The following RBFOX1 variants were observed in gnomAD, a reference collection of about 807,000 sequenced individuals.
RBFOX1 encodes the protein RNA binding fox-1 homolog 1, also known as RNA binding protein fox-1 homolog 1.
Under a neutral mutation model 57.7 loss-of-function variants are expected in RBFOX1, and 8 were observed. That is an observed-to-expected ratio of 0.14 (90% CI 0.08 to 0.25). The LOEUF (loss-of-function observed/expected upper bound fraction) is 0.25. RBFOX1 is among the 10% of genes least tolerant of loss of function. The probability of loss-of-function intolerance (pLI) is 1.00; values close to 1 mark genes in which losing one functional copy is unlikely to be tolerated. For missense variants in RBFOX1, 611 were observed against 548.5 expected (o/e 1.11, Z -1.14); for synonymous variants, 326 against 222.4 (o/e 1.47, Z -4.15).
chr16:6,858,033 C>T (rs1420825119), intron 3 of RBFOX1, among the ~76,000 whole-genome samples: 1 of 152,176 alleles, frequency 6.6e-6, no homozygotes, highest in Non-Finnish European at 1.5e-5. Context: ...TTCTCTTCTA[C>T]TCACAAATGT....
At chr16:7,054,488 G>A (rs1598257202) in intron 4 of RBFOX1, among the ~76,000 whole-genome samples, 1 of 141,022 alleles carries the variant, frequency 7.1e-6, no homozygotes, top group Non-Finnish European at 1.5e-5. Context: ...TGATCCGCCA[G>A]CCTCGGCCCC....
At chr16:6,427,203 A>G (rs1261687666) in intron 2 of RBFOX1, among the ~76,000 whole-genome samples, 2 of 152,176 alleles carry the variant, frequency 1.3e-5, no homozygotes, top group Non-Finnish European at 2.9e-5. Flanking sequence ...CTGCATTGAT[A>G]ATGTGCCCTC....
chr16:6,325,080 G>A (rs948844989), intron 2 of RBFOX1, among the ~76,000 whole-genome samples: 1 of 152,196 alleles, frequency 6.6e-6, no homozygotes, highest in Admixed American at 6.5e-5. Flanking sequence ...AGGTACCCAG[G>A]CATGGTGGCT....
intron 1 of RBFOX1, among the ~76,000 whole-genome samples, chr16:6,230,259 C>T (rs937264270): frequency 1.3e-5 from 2 of 151,806 alleles, no homozygotes; most frequent in Non-Finnish European, 2.9e-5. Flanking sequence ...TCACCAATCT[C>T]GATTGGACAC....
chr16:6,819,734 A>AAAAC (rs2090926566), intron 3 of RBFOX1, among the ~76,000 whole-genome samples: 1 of 82,010 alleles, frequency 1.2e-5, no homozygotes, highest in African/African-American at 4.5e-5. Context: ...AAAAAAAATA[A>AAAAC]CAACACCAAA....
chr16:6,461,147 A>G (rs564731651), intron 2 of RBFOX1, among the ~76,000 whole-genome samples: 27 of 152,208 alleles, frequency 1.8e-4, no homozygotes, highest in Admixed American at 2.6e-4. Flanking sequence ...GAATGAATGC[A>G]TGCTGGGCTT....
intron 3 of RBFOX1, among the ~76,000 whole-genome samples, chr16:6,733,099 G>A (rs1483756888): frequency 6.6e-6 from 1 of 152,124 alleles, no homozygotes; most frequent in Non-Finnish European, 1.5e-5. Flanking sequence ...GCTGAAAACA[G>A]AAATATATGA....
intron 4 of RBFOX1, among the ~76,000 whole-genome samples, chr16:7,134,353 C>T (rs914575829): frequency 6.6e-6 from 1 of 152,116 alleles, no homozygotes. Context: ...GTATATATAA[C>T]CGTCAAAGAC....
chr16:6,040,783 A>C lies in RBFOX1; in HGVS notation c.-127+20791A>C, dbSNP rs113248204. 2.3e-3 allele frequency among the ~76,000 whole-genome samples: 342 copies of C among 151,970 alleles called. 4 individuals carry two copies. Among genetic ancestry groups the C allele is most frequent in the African/African-American group, 7.6e-3 (313 of 41,448 alleles). On this transcript the variant is annotated intron_variant, in intron 1 of 15. Coordinates refer to ENST00000550418, the MANE Select transcript of RBFOX1 (RefSeq NM_018723.4). ...CAAATTTTTTGTATTTTCAGTAGAG[A>C]CTGGGTTTCCTTATGTGGCAGTCTG... is the stretch of plus-strand genomic sequence containing the variant.
intron 4 of RBFOX1, among the ~76,000 whole-genome samples, chr16:5,970,335 A>C (rs761472477): frequency 6.6e-6 from 1 of 152,044 alleles, no homozygotes; most frequent in African/African-American, 2.4e-5. Flanking sequence ...TCATTCTTCC[A>C]GAATTCTAAA....
At chr16:6,063,785 G>T (rs1422096514) in intron 1 of RBFOX1, among the ~76,000 whole-genome samples, 1 of 152,104 alleles carries the variant, frequency 6.6e-6, no homozygotes, top group South Asian at 2.1e-4. Context: ...GACTCCAACT[G>T]TGTCTTTGAT....
intron 3 of RBFOX1, among the ~76,000 whole-genome samples, chr16:6,921,048 C>G (rs2153453991): frequency 6.6e-6 from 1 of 152,268 alleles, no homozygotes; most frequent in East Asian, 1.9e-4. Flanking sequence ...AGCCCACAGA[C>G]TATGGGGCTC....
At chr16:5,880,062 C>G (rs1024208491) in intron 4 of RBFOX1, among the ~76,000 whole-genome samples, 2 of 152,196 alleles carry the variant, frequency 1.3e-5, no homozygotes, top group Non-Finnish European at 2.9e-5. Flanking sequence ...ACAGTGATCA[C>G]AGCAAGCACC....
At chr16:6,689,474 T>G (rs1365578481) in intron 3 of RBFOX1, among the ~76,000 whole-genome samples, 4 of 152,224 alleles carry the variant, frequency 2.6e-5, no homozygotes, top group Non-Finnish European at 5.9e-5. Context: ...AATACTCATC[T>G]TCTAAGGCTG....
chr16:6,430,915 G>T (rs766501208), intron 2 of RBFOX1, among the ~76,000 whole-genome samples: 4 of 149,440 alleles, frequency 2.7e-5, no homozygotes, highest in Non-Finnish European at 5.9e-5. Flanking sequence ...AGGGTTTATT[G>T]AGGCCAGGAG....
At chr16:7,100,578 T>C (rs1451915710) in intron 4 of RBFOX1, among the ~76,000 whole-genome samples, 1 of 151,650 alleles carries the variant, frequency 6.6e-6, no homozygotes, top group African/African-American at 2.4e-5. Flanking sequence ...TTTTTTTTTT[T>C]TTTTTTTAGC....
At chr16:6,198,067 G>T (rs142560675) in intron 1 of RBFOX1, among the ~76,000 whole-genome samples, 2 of 152,040 alleles carry the variant, frequency 1.3e-5, no homozygotes, top group African/African-American at 4.8e-5. Flanking sequence ...CTTACCTGAC[G>T]CAGATAATTT....
At chr16:7,536,021 C>T (rs774221763) in intron 5 of RBFOX1, among the ~76,000 whole-genome samples, 1 of 152,184 alleles carries the variant, frequency 6.6e-6, no homozygotes, top group South Asian at 2.1e-4. Context: ...TCTACCGTAA[C>T]ACAGAATACA....
chr16:6,991,495 A>G (rs553287606), intron 3 of RBFOX1, among the ~76,000 whole-genome samples: 2 of 152,130 alleles, frequency 1.3e-5, no homozygotes, highest in African/African-American at 2.4e-5. Flanking sequence ...ATGAATTCCC[A>G]TGTGATTATT....
Sources: allele counts gnomAD v4.1 joint callset (sites outside exome capture counted in the v4.1 genomes callset), GRCh38; gene constraint gnomAD v4.1.1; transcripts MANE v1.5; gene names NCBI Gene and HGNC (gene_info 2026-07-23, HGNC 2026-07-21).